Variants in ARHGAP6 observed in about 807,000 individuals in gnomAD.
ARHGAP6 encodes rho GTPase-activating protein 6.
ARHGAP6 carries 16 observed loss-of-function variants against 55.7 expected under a neutral mutation model. That is an observed-to-expected ratio of 0.29 (90% CI 0.19 to 0.44). The LOEUF is 0.44. Ranked by LOEUF, ARHGAP6 falls within the 20% of genes least tolerant of loss-of-function variation. The pLI is 1.00. For synonymous variants in ARHGAP6, 382 were observed against 360.9 expected, an observed-to-expected ratio of 1.06 and a Z score of -0.66; for missense variants, 698 against 808.9, an observed-to-expected ratio of 0.86 and a Z score of 1.66.
chrX:11,220,953 G>A (rs766833311), intron 2 of ARHGAP6, among the ~76,000 whole-genome samples: 6 of 109,716 alleles, frequency 5.5e-5, no homozygotes, highest in African/African-American at 2.0e-4. Context: ...CCAAGCCAAT[G>A]GAAAACAAAA....
chrX:11,414,040 C>CT (rs746096515), intron 1 of ARHGAP6, among the ~76,000 whole-genome samples: 149 of 112,272 alleles, frequency 1.3e-3, no homozygotes, highest in African/African-American at 4.4e-3. Context: ...ATACCCACCA[C>CT]TCCCCTCCAT....
intron 1 of ARHGAP6, among the ~76,000 whole-genome samples, chrX:11,366,904 G>T (rs1458807489): frequency 8.9e-6 from 1 of 111,982 alleles, no homozygotes; most frequent in African/African-American, 3.3e-5. Flanking sequence ...AAAGAAATGT[G>T]TCTACAGTGA....
chrX:11,471,627 G>A (rs1296822235), intron 1 of ARHGAP6, among the ~76,000 whole-genome samples: 1 of 112,130 alleles, frequency 8.9e-6, no homozygotes. Context: ...TCCTATTGCT[G>A]GATGGAAATA....
chrX:11,335,755 G>T (rs2048628713), intron 1 of ARHGAP6: 2 of 306,431 alleles, frequency 6.5e-6, no homozygotes, highest in Non-Finnish European at 1.2e-5. Context: ...CCCTCTTAAA[G>T]GCTTTGGTGG....
chrX:11,230,989 T>TTG lies in ARHGAP6; in HGVS notation c.748+23557_748+23558dup, dbSNP rs770081758. 3.3e-3 allele frequency among the ~76,000 whole-genome samples: 362 copies of TTG among 109,279 alleles called. 2 individuals carry two copies. Among genetic ancestry groups the TTG allele is most frequent in the Non-Finnish European group, 5.6e-3 (292 of 52,296 alleles). 94.9% of individuals were successfully genotyped at this position (109,279 alleles called of 115,157 possible). A position where few individuals can be genotyped will look rare whatever the true frequency, so the allele number is the denominator to read the frequency against. ...TTCAGGGTTCACTCTTGGTTACTTT[T>TTG]TGTGTGTGTGTGACTATTTTCCTCA... On this transcript the variant is annotated intron_variant, in intron 2 of 12. Coordinates refer to ENST00000337414, the MANE Select transcript of ARHGAP6 (RefSeq NM_013427.3).
At chrX:11,240,771 A>C (rs1280815684) in intron 2 of ARHGAP6, among the ~76,000 whole-genome samples, 2 of 110,616 alleles carry the variant, frequency 1.8e-5, no homozygotes, top group African/African-American at 6.6e-5. Context: ...GAGGCCGGGC[A>C]TGGTGGCTCG....
rs1468503642 is a variant in ARHGAP6, at chrX:11,294,726, C to T, written c.589-40019G>A. Reference sequence around the variant, plus strand: ...TGTGTGTTTTATGGAGCATTCATTACATCCATGTTTCAGAAGAGATAAGAA... The same window carrying T: ...TGTGTGTTTTATGGAGCATTCATTATATCCATGTTTCAGAAGAGATAAGAA... On this transcript the variant is annotated intron_variant, in intron 1 of 12. Transcript: ENST00000337414. 5 of 1,128,452 alleles carry T rather than the reference C, an allele frequency of 4.4e-6. No individual in the cohort carries two copies. The African/African-American group carries it at 9.0e-5, about 20-fold the overall frequency. 93.0% of individuals were successfully genotyped at this position (1,128,452 alleles called of 1,213,427 possible).
intron 2 of ARHGAP6, among the ~76,000 whole-genome samples, chrX:11,215,973 C>T (rs1040898741): frequency 5.4e-5 from 6 of 111,633 alleles, no homozygotes; most frequent in African/African-American, 2.0e-4. Context: ...CTTAGAGCAG[C>T]TCTTCTCGAT....
chrX:11,265,419 A>G (rs2047610214), intron 1 of ARHGAP6, among the ~76,000 whole-genome samples: 1 of 112,087 alleles, frequency 8.9e-6, no homozygotes, highest in East Asian at 2.8e-4. Context: ...CTTTTACAGA[A>G]ATTAGCTCAA....
At chrX:11,451,317 C>T (rs1441318019) in intron 1 of ARHGAP6, among the ~76,000 whole-genome samples, 1 of 111,524 alleles carries the variant, frequency 9.0e-6, no homozygotes, top group Non-Finnish European at 1.9e-5. Context: ...GGAACTAAAA[C>T]GCAGGAGAAC....
intron 1 of ARHGAP6, among the ~76,000 whole-genome samples, chrX:11,531,806 C>T (rs780912890): frequency 8.9e-6 from 1 of 112,306 alleles, no homozygotes; most frequent in Non-Finnish European, 1.9e-5. Flanking sequence ...TCAAAACTAT[C>T]GGTGATTACA....
chrX:11,650,317 A>G (rs1202496346), intron 1 of ARHGAP6, among the ~76,000 whole-genome samples: 5 of 111,416 alleles, frequency 4.5e-5, no homozygotes, highest in Non-Finnish European at 9.4e-5. Flanking sequence ...TTTCTTATTC[A>G]ATGAACTTTT....
At chrX:11,160,318 G>A (rs2045925740) in intron 9 of ARHGAP6, among the ~76,000 whole-genome samples, 1 of 108,721 alleles carries the variant, frequency 9.2e-6, no homozygotes, top group East Asian at 2.9e-4. Flanking sequence ...TTAGTCGGGC[G>A]TGGTGGTGAG....
intron 1 of ARHGAP6, among the ~76,000 whole-genome samples, chrX:11,323,496 C>G (rs1404900873): frequency 8.9e-6 from 1 of 111,891 alleles, no homozygotes. Flanking sequence ...GGTGAAATCA[C>G]TGATGCTTTA....
chrX:11,657,767 A>C (rs1215416016), intron 1 of ARHGAP6, among the ~76,000 whole-genome samples: 1 of 111,378 alleles, frequency 9.0e-6, no homozygotes, highest in Non-Finnish European at 1.9e-5. Flanking sequence ...ACCTGAAGGA[A>C]AAACACAGAA....
intron 1 of ARHGAP6, among the ~76,000 whole-genome samples, chrX:11,438,204 G>A (rs951778804): frequency 8.9e-6 from 1 of 112,293 alleles, no homozygotes; most frequent in East Asian, 2.8e-4. Context: ...TTTAGCATCC[G>A]TAATATTACT....
intron 1 of ARHGAP6, among the ~76,000 whole-genome samples, chrX:11,411,964 A>G (rs1469923607): frequency 9.0e-6 from 1 of 111,108 alleles, no homozygotes; most frequent in African/African-American, 3.3e-5. Context: ...TTTCCCAACC[A>G]CAGCCCCAGG....
At chrX:11,602,990 A>T (rs2051995572) in intron 1 of ARHGAP6, among the ~76,000 whole-genome samples, 1 of 111,637 alleles carries the variant, frequency 9.0e-6, no homozygotes, top group Non-Finnish European at 1.9e-5. Flanking sequence ...AAAACCACTA[A>T]ACTGGCCCAC....
chrX:11,287,260 T>G lies in ARHGAP6; in HGVS notation c.589-32553A>C, dbSNP rs769892136. 8.0e-5 allele frequency among the ~76,000 whole-genome samples: 9 copies of G among 112,174 alleles called. 1 individual carries two copies. In the East Asian group the frequency reaches 2.5e-3, roughly 31 times the overall value. On this transcript the variant is annotated intron_variant, in intron 1 of 12. Coordinates refer to ENST00000337414, the MANE Select transcript of ARHGAP6 (RefSeq NM_013427.3). ...CACAGGAAAAACATTATGTTCTGTATTTTTAAAGACTTATCTATTTCCAGT... is the reference window on the plus strand; with the variant it reads ...CACAGGAAAAACATTATGTTCTGTAGTTTTAAAGACTTATCTATTTCCAGT...
Sources: gnomAD v4.1 joint callset for allele counts (sites outside exome capture counted in the v4.1 genomes callset) on GRCh38, gnomAD v4.1.1 for gene constraint, MANE v1.5 for transcripts, NCBI Gene and HGNC (gene_info 2026-07-23, HGNC 2026-07-21) for gene names.